The following BBS2 variants were observed in gnomAD, a reference collection of about 807,000 sequenced individuals.
BBS2 encodes the protein BBSome complex member BBS2.
A neutral mutation model predicts 83.0 loss-of-function variants in BBS2; 62 were observed. The observed-to-expected ratio is 0.75, with a 90% CI of 0.61 to 0.92. The LOEUF (loss-of-function observed/expected upper bound fraction) is 0.92, where lower values mean the gene tolerates loss of function less well. Among genes scored for constraint, BBS2 ranks in the 40% least tolerant of loss-of-function variants. The pLI is 0.00. For synonymous variants in BBS2, 303 were observed against 326.1 expected (o/e 0.93, Z 0.76); for missense variants, 784 against 901.0 (o/e 0.87, Z 1.66).
At chr16:56,490,127 C>CAT (rs1963903827) in intron 15 of BBS2, among the ~76,000 whole-genome samples, 1 of 125,464 alleles carries the variant, frequency 8.0e-6, no homozygotes, top group Non-Finnish European at 1.7e-5. Context: ...CACACACACA[C>CAT]GCACACACAC....
downstream of BBS2, among the ~76,000 whole-genome samples, chr16:56,482,171 A>T (rs185553184): frequency 7.3e-3 from 1,107 of 152,294 alleles, 57 homozygotes; most frequent in Admixed American, 0.068. Context: ...TATATAATTT[A>T]AAACTAGCAC....
At chr16:56,501,810 C>T (rs1213827597) in intron 9 of BBS2, 2 of 416,506 alleles carry the variant, frequency 4.8e-6, no homozygotes, top group Non-Finnish European at 8.9e-6. Flanking sequence ...AATTCAAATA[C>T]AGTAATGCAT....
chr16:56,486,461 CA>C (rs1466640373), intron 15 of BBS2, among the ~76,000 whole-genome samples: 1 of 152,188 alleles, frequency 6.6e-6, no homozygotes, highest in Non-Finnish European at 1.5e-5. Flanking sequence ...CAATTATCCT[CA>C]GTTGGTGAAT....
At chr16:56,485,216 T>C (rs576682899) in intron 16 of BBS2, among the ~76,000 whole-genome samples, 1 of 152,214 alleles carries the variant, frequency 6.6e-6, no homozygotes, top group Admixed American at 6.5e-5. Flanking sequence ...TATCCTATTG[T>C]TCTTTTCTAA....
intron 17 of BBS2, among the ~76,000 whole-genome samples, chr16:56,473,809 CCTT>C (rs762387396): frequency 8.6e-5 from 13 of 151,230 alleles, no homozygotes; most frequent in Non-Finnish European, 1.3e-4. Flanking sequence ...GGAGTATTAA[CCTT>C]CTTTTTTTTT....
intron 12 of BBS2, 148 bp downstream of exon 12, chr16:56,499,630 T>C (rs1483803125): frequency 1.8e-6 from 2 of 1,102,964 alleles, no homozygotes; most frequent in Admixed American, 1.8e-5. Context: ...TATTACAGGT[T>C]ACAAGCCACC....
chr16:56,492,382 A>G (rs1278435299), intron 15 of BBS2, among the ~76,000 whole-genome samples: 1 of 152,248 alleles, frequency 6.6e-6, no homozygotes, highest in African/African-American at 2.4e-5. Flanking sequence ...AACTCTGAGG[A>G]TGTTACACTG....
intron 1 of BBS2, among the ~76,000 whole-genome samples, chr16:56,518,712 G>A (rs1014551722): frequency 8.5e-5 from 13 of 152,162 alleles, no homozygotes; most frequent in African/African-American, 2.9e-4. Context: ...ATGTATTTTG[G>A]GCATGCCTCC....
At chr16:56,519,670 G>T (rs375530131) in intron 1 of BBS2, 76 bp downstream of exon 1, 4 of 1,228,814 alleles carry the variant, frequency 3.3e-6, no homozygotes, top group East Asian at 2.3e-5. Flanking sequence ...GAGAGGGGAC[G>T]GGATCCCAGG....
intron 15 of BBS2, among the ~76,000 whole-genome samples, chr16:56,495,792 A>G (rs547314422): frequency 3.4e-4 from 50 of 148,910 alleles, no homozygotes; most frequent in Middle Eastern, 3.4e-3. Flanking sequence ...GTGTGTGTGT[A>G]TATATATGTA....
chr16:56,515,369 G>A (rs1964705069), intron 1 of BBS2, among the ~76,000 whole-genome samples: 3 of 152,302 alleles, frequency 2.0e-5, no homozygotes, highest in Admixed American at 6.5e-5. Flanking sequence ...CTTAAGAGGG[G>A]CGAGATCACT....
At chr16:56,487,076 A>G (rs1396426531) in intron 15 of BBS2, among the ~76,000 whole-genome samples, 1 of 152,076 alleles carries the variant, frequency 6.6e-6, no homozygotes, top group Non-Finnish European at 1.5e-5. Flanking sequence ...GAAATATCCT[A>G]TATCTCGATT....
Position 56,484,744 on chromosome 16 carries a change from A to G in BBS2, c.*17T>C, listed in dbSNP as rs1291633526. The G allele has an allele frequency of 1.2e-6, 2 of 1,605,220 alleles. No homozygotes were observed. The highest frequency in any genetic ancestry group is 2.7e-5 in the African/African-American group (2 of 74,722). ...GAAAATCTTTGCCAGGAACTTCATG[A>G]CCTGTATTTTCCTCACCTAGGAAGA... On this transcript the variant is annotated 3_prime_UTR_variant, in exon 17 of 17. Coordinates refer to ENST00000245157, the MANE Select transcript of BBS2 (RefSeq NM_031885.5).
At chr16:56,482,071 T>C (rs75160795), downstream of BBS2, among the ~76,000 whole-genome samples, 878 of 152,332 alleles carry the variant, frequency 5.8e-3, 9 homozygotes, top group African/African-American at 0.02. Context: ...TGAGTATTTT[T>C]AGGTCTAAGA....
At chr16:56,497,147 GAC>G in intron 14 of BBS2, 68 bp from the exon 15 acceptor site, 1 of 1,025,478 alleles carries the variant, frequency 9.8e-7, no homozygotes, top group Non-Finnish European at 1.6e-6. Context: ...CAAATGAAAA[GAC>G]ACTATTTACC....
At position 56,484,913 on chromosome 16, in the gene BBS2, A is replaced by G. The variant is rs200774675; in HGVS notation, c.2060-46T>C. ...GGAACCAAAAGATTGTTAGACATGA[A>G]ATTATAAAATTAGACGTCAGTTTTA... is the stretch of plus-strand genomic sequence containing the variant. On this transcript the variant is annotated intron_variant, in intron 16 of 16. Coordinates refer to ENST00000245157, the MANE Select transcript of BBS2 (RefSeq NM_031885.5). The G allele has an allele frequency of 5.3e-5, 76 of 1,425,774 alleles. No individual in the cohort carries two copies. In the East Asian group the frequency reaches 8.0e-4, roughly 15 times the overall value. The allele number at this position is 1,425,774 out of a possible 1,614,324, so 88.3% of individuals were successfully genotyped here.
At chr16:56,519,244 T>C (rs1011650273) in intron 1 of BBS2, among the ~76,000 whole-genome samples, 4 of 150,724 alleles carry the variant, frequency 2.7e-5, no homozygotes, top group Admixed American at 6.6e-5. Flanking sequence ...GGCAGGAGAA[T>C]TGCAGGAACC....
chr16:56,513,777 G>T (rs1964646891), intron 2 of BBS2, among the ~76,000 whole-genome samples: 1 of 152,138 alleles, frequency 6.6e-6, no homozygotes, highest in African/African-American at 2.4e-5. Context: ...GGTGATGGTT[G>T]TACAGCTCTC....
At chr16:56,506,500 T>G (rs1964426411) in intron 5 of BBS2, among the ~76,000 whole-genome samples, 1 of 152,142 alleles carries the variant, frequency 6.6e-6, no homozygotes, top group Non-Finnish European at 1.5e-5. Flanking sequence ...AAAAAACACA[T>G]GAAAACTGAA....
Sources: gnomAD v4.1 joint callset for allele counts (sites outside exome capture counted in the v4.1 genomes callset) on GRCh38, gnomAD v4.1.1 for gene constraint, MANE v1.5 for transcripts, NCBI Gene and HGNC (gene_info 2026-07-23, HGNC 2026-07-21) for gene names.